Variants in PLSCR4 observed in about 807,000 individuals in gnomAD.
The protein encoded by PLSCR4 is phospholipid scramblase 4.
In PLSCR4, 25 loss-of-function variants were observed where a neutral mutation model predicts 36.3. The observed-to-expected ratio is 0.69, with a 90% CI of 0.50 to 0.96. The LOEUF (loss-of-function observed/expected upper bound fraction) is 0.96, where lower values mean the gene tolerates loss of function less well. PLSCR4 is among the 40% of genes least tolerant of loss of function. PLSCR4 has a pLI of 0.00. For synonymous variants in PLSCR4, 122 were observed against 132.9 expected (o/e 0.92, Z 0.56); for missense variants, 408 against 414.7 (o/e 0.98, Z 0.14).
chr3:146,248,973 C>G (rs984287855), intron 1 of PLSCR4, among the ~76,000 whole-genome samples: 42 of 152,082 alleles, frequency 2.8e-4, no homozygotes, highest in African/African-American at 9.9e-4. Flanking sequence ...ATTAGTGTGG[C>G]TAACAGTATT....
intron 1 of PLSCR4, among the ~76,000 whole-genome samples, chr3:146,236,781 C>G (rs914206027): frequency 1.2e-4 from 18 of 151,888 alleles, no homozygotes; most frequent in African/African-American, 4.1e-4. Flanking sequence ...TGGACTAATA[C>G]AGACTCAATT....
intron 6 of PLSCR4, among the ~76,000 whole-genome samples, chr3:146,197,754 G>A (rs1396700406): frequency 6.6e-6 from 1 of 151,936 alleles, no homozygotes; most frequent in Non-Finnish European, 1.5e-5. Context: ...CTATTTCTCT[G>A]GTGTTACATG....
chr3:146,230,590 G>A (rs984717499), intron 1 of PLSCR4, among the ~76,000 whole-genome samples: 2 of 152,148 alleles, frequency 1.3e-5, no homozygotes, highest in African/African-American at 4.8e-5. Context: ...TTGTCTCTTT[G>A]TTGCTTGGAC....
intron 1 of PLSCR4, among the ~76,000 whole-genome samples, chr3:146,238,822 C>T (rs913917149): frequency 3.9e-5 from 6 of 151,906 alleles, no homozygotes; most frequent in Non-Finnish European, 8.8e-5. Context: ...GAAATAAAGC[C>T]ATCTGAAATA....
At chr3:146,210,680 T>C (rs2034568613) in intron 3 of PLSCR4, among the ~76,000 whole-genome samples, 1 of 152,054 alleles carries the variant, frequency 6.6e-6, no homozygotes, top group Admixed American at 6.6e-5. Flanking sequence ...CAACCATCAC[T>C]GCTACCTAAA....
At chr3:146,204,429 TCTC>T (rs1191058686) in intron 4 of PLSCR4, among the ~76,000 whole-genome samples, 1 of 151,934 alleles carries the variant, frequency 6.6e-6, no homozygotes, top group East Asian at 1.9e-4. Flanking sequence ...CATTAAAAAT[TCTC>T]CTAACAATCT....
Position 146,206,773 on chromosome 3 carries a change from A to G in PLSCR4, c.119-12T>C. The G allele has an allele frequency of 6.6e-7, 1 of 1,508,782 alleles. No individual in the cohort carries two copies. The highest frequency in any genetic ancestry group is 9.0e-7 in the Non-Finnish European group (1 of 1,106,148). The allele number at this position is 1,508,782 out of a possible 1,614,324, so 93.5% of individuals were successfully genotyped here. On this transcript the variant is annotated splice_polypyrimidine_tract_variant and intron_variant, in intron 3 of 8. Transcript: ENST00000354952. ...TGTTCCAGGGGGTCCTGTGTTCAAA[A>G]GAAATCAAAGTGTTATATATTATTA... is the stretch of plus-strand genomic sequence containing the variant.
intron 6 of PLSCR4, 80 bp from the exon 7 acceptor site, chr3:146,196,873 A>G: frequency 8.4e-7 from 1 of 1,186,700 alleles, no homozygotes; most frequent in South Asian, 1.4e-5. Flanking sequence ...CACAATCTAG[A>G]TGTGTCCTCA....
At chr3:146,200,471 T>A (rs1019750501) in intron 5 of PLSCR4, among the ~76,000 whole-genome samples, 1 of 152,220 alleles carries the variant, frequency 6.6e-6, no homozygotes, top group African/African-American at 2.4e-5. Flanking sequence ...AAAGGCCCTA[T>A]GTGGTGGCCA....
chr3:146,239,681 C>T (rs1372020436), intron 1 of PLSCR4, among the ~76,000 whole-genome samples: 10 of 151,868 alleles, frequency 6.6e-5, no homozygotes, highest in Admixed American at 2.6e-4. Context: ...GTTGGGAGTT[C>T]GAGACCAGCC....
At chr3:146,195,089 A>T in intron 8 of PLSCR4, 35 bp downstream of exon 8, 1 of 1,598,254 alleles carries the variant, frequency 6.3e-7, no homozygotes, top group Non-Finnish European at 8.6e-7. Flanking sequence ...AGAAAGAACA[A>T]CTCTCTCAGG....
Position 146,206,654 on chromosome 3 carries a change from C to G in PLSCR4, c.226G>C (p.Gly76Arg). Reference protein sequence around the residue: ...PSTFPLYQPVGGIHPVRYQPG... With the variant: ...PSTFPLYQPVRGIHPVRYQPG... The stretch of plus-strand genomic sequence containing the variant: ...TGATACCGGACAGGATGGATACCAC[C>G]AACTGGCTGGTACAAAGGGAAGGTA... Residue 76 changes from glycine (G) to arginine (R), a missense_variant, in exon 4 of 9, where the codon GGT (glycine) becomes CGT (arginine). Gly to Arg is a moderately radical substitution (Grantham distance 125). Transcript: ENST00000354952. 6.2e-7 allele frequency: 1 copy of G among 1,613,402 alleles called. No homozygotes were observed. Among genetic ancestry groups the G allele is most frequent in the Non-Finnish European group, 8.5e-7 (1 of 1,179,666 alleles).
intron 6 of PLSCR4, among the ~76,000 whole-genome samples, chr3:146,197,284 T>TA (rs938605482): frequency 5.3e-5 from 8 of 151,978 alleles, no homozygotes; most frequent in Non-Finnish European, 7.4e-5. Context: ...TCAGGATAAG[T>TA]AAAAAATAAA....
intron 1 of PLSCR4, among the ~76,000 whole-genome samples, chr3:146,235,227 C>G (rs1393275843): frequency 6.6e-6 from 1 of 152,034 alleles, no homozygotes; most frequent in Non-Finnish European, 1.5e-5. Context: ...GGAGGTTGGG[C>G]CTGGTGGGAG....
intron 8 of PLSCR4, among the ~76,000 whole-genome samples, chr3:146,194,849 C>T (rs1405329222): frequency 6.6e-6 from 1 of 152,086 alleles, no homozygotes; most frequent in Non-Finnish European, 1.5e-5. Flanking sequence ...GATAATTATA[C>T]CCAATGGATA....
rs2034340990 is a variant in PLSCR4 at position 146,206,575 on chromosome 3, C to T, written c.305G>A (p.Gly102Glu). 1 of 1,613,402 alleles carries T rather than the reference C, an allele frequency of 6.2e-7. No homozygotes were observed. Residue 102 changes from glycine to glutamate, a missense_variant, in exon 4 of 9, where the codon GGG (glycine) becomes GAG (glutamate). Gly to Glu is a moderately conservative substitution (Grantham distance 98). Transcript: ENST00000354952. ...AGGGCAGTTTGCCATAGGAGTTGGCCCTGGCATCCATGTTATTGGAACAGA... is the reference window on the plus strand; with the variant it reads ...AGGGCAGTTTGCCATAGGAGTTGGCTCTGGCATCCATGTTATTGGAACAGA... The part of the protein sequence containing the change: ...NQSVPITWMP[G>E]PTPMANCPPG...
chr3:146,220,767 G>T (rs755739940), intron 3 of PLSCR4, 48 bp downstream of exon 3: 2 of 1,159,440 alleles, frequency 1.7e-6, no homozygotes, highest in East Asian at 2.4e-5. Flanking sequence ...TTAATCATTA[G>T]TATGGTTTTT....
At chr3:146,197,297 G>A (rs755016472) in intron 6 of PLSCR4, among the ~76,000 whole-genome samples, 14 of 152,004 alleles carry the variant, frequency 9.2e-5, no homozygotes, top group Non-Finnish European at 1.8e-4. Flanking sequence ...AAAATAAAAG[G>A]CTTACAATGA....
At chr3:146,235,126 C>T (rs2035862891) in intron 1 of PLSCR4, among the ~76,000 whole-genome samples, 1 of 152,150 alleles carries the variant, frequency 6.6e-6, no homozygotes, top group Non-Finnish European at 1.5e-5. Flanking sequence ...AAAACCTCCA[C>T]TGATGTGGAA....
Sources: allele counts gnomAD v4.1 joint callset (sites outside exome capture counted in the v4.1 genomes callset), GRCh38; gene constraint gnomAD v4.1.1; transcripts MANE v1.5; gene names NCBI Gene and HGNC (gene_info 2026-07-23, HGNC 2026-07-21).